The following TRIM24 variants were observed in gnomAD, a reference collection of about 807,000 sequenced individuals.
TRIM24 encodes the protein transcription intermediary factor 1-alpha.
In TRIM24, 29 loss-of-function variants were observed where a neutral mutation model predicts 123.9. The observed-to-expected ratio is 0.23, with a 90% confidence interval of 0.17 to 0.32. The LOEUF is 0.32. Ranked by LOEUF, TRIM24 falls within the 10% of genes least tolerant of loss-of-function variation. TRIM24 has a pLI of 1.00. For missense variants in TRIM24, 932 were observed against 1,295.3 expected (o/e 0.72, Z 4.31); for synonymous variants, 456 against 461.1 (o/e 0.99, Z 0.14).
At chr7:138,575,666 C>CTGTT (rs1797743808) in intron 12 of TRIM24, among the ~76,000 whole-genome samples, 2 of 151,944 alleles carry the variant, frequency 1.3e-5, no homozygotes, top group Non-Finnish European at 2.9e-5. Context: ...CTACTTGTTA[C>CTGTT]TGTTTAGTTT....
At chr7:138,584,650 A>C (rs968883915) in intron 18 of TRIM24, 92 bp from the exon 19 acceptor site, 1 of 1,008,618 alleles carries the variant, frequency 9.9e-7, no homozygotes, top group Non-Finnish European at 1.4e-6. Context: ...ATGACTATGC[A>C]TGAACACTTT....
intron 9 of TRIM24, among the ~76,000 whole-genome samples, chr7:138,560,430 AGCACTAACAT>A (rs974312729): frequency 1.3e-5 from 2 of 152,222 alleles, no homozygotes; most frequent in African/African-American, 4.8e-5. Context: ...GGTGCAGACA[AGCACTAACAT>A]GTACGGATAG....
rs1016220559 is a variant in TRIM24 at position 138,588,853 on chromosome 7, A to G, written c.*3902A>G. On this transcript the variant is annotated 3_prime_UTR_variant, in exon 19 of 19. Coordinates refer to ENST00000343526, the MANE Select transcript of TRIM24 (RefSeq NM_015905.3). ...AACCCCACCTCAACAGAATATACAA[A>G]AAAATTAGCTGGGTGTGGTGGCGGG... 6.7e-6 allele frequency: 1 copy of G among 150,106 alleles called. No individual in the cohort carries two copies. The highest frequency in any genetic ancestry group is 2.5e-5 in the African/African-American group (1 of 40,616). The allele number at this position is 150,106 out of a possible 1,614,324, so 9.3% of individuals were successfully genotyped here.
intron 4 of TRIM24, among the ~76,000 whole-genome samples, chr7:138,523,570 A>G (rs1007535203): frequency 1.3e-5 from 2 of 152,152 alleles, no homozygotes; most frequent in African/African-American, 4.8e-5. Context: ...CCTGGCTAAC[A>G]TGGTGAAACC....
chr7:138,534,938 CTTG>C (rs1796833843), intron 6 of TRIM24, among the ~76,000 whole-genome samples: 1 of 152,162 alleles, frequency 6.6e-6, no homozygotes, highest in South Asian at 2.1e-4. Flanking sequence ...GTTAGCTCTT[CTTG>C]TTGAATTGAT....
chr7:138,572,207 T>A (rs1224109071), intron 11 of TRIM24, among the ~76,000 whole-genome samples: 1 of 152,332 alleles, frequency 6.6e-6, no homozygotes, highest in East Asian at 1.9e-4. Flanking sequence ...GTAGAATACA[T>A]ATATTTTCTC....
Position 138,509,258 on chromosome 7 carries a change from G to A in TRIM24, c.483+4850G>A, listed in dbSNP as rs191217601. Among the ~76,000 whole-genome samples, 401 of 150,988 alleles carry A rather than the reference G, an allele frequency of 2.7e-3. 2 individuals carry two copies. Among genetic ancestry groups the A allele is most frequent in the Non-Finnish European group, 3.7e-3 (252 of 67,820 alleles). The stretch of plus-strand genomic sequence containing the variant: ...GCCACTGCACCCAGCCGAAATGTTG[G>A]TTCTTAATTGCATTGATGTAATTTG... On this transcript the variant is annotated intron_variant, in intron 2 of 18. Transcript: ENST00000343526.
intron 4 of TRIM24, among the ~76,000 whole-genome samples, chr7:138,519,912 G>C (rs139263432): frequency 3.0e-3 from 463 of 152,198 alleles, no homozygotes; most frequent in African/African-American, 1.0e-2. Context: ...AGATGATTTA[G>C]ACAGTAAGAT....
chr7:138,576,549 CCTTT>C lies in TRIM24; in HGVS notation c.2087+105_2087+108del, dbSNP rs757576526. On this transcript the variant is annotated intron_variant, in intron 13 of 18. Coordinates refer to ENST00000343526, the MANE Select transcript of TRIM24 (RefSeq NM_015905.3). ...ATACTCAATATATTTTGAACAATTT[CCTTT>C]ATTTTTAATTAAAATTTTAATAACT... The C allele has an allele frequency of 3.2e-4, 296 of 914,936 alleles. 1 individual carries two copies. The highest frequency in any genetic ancestry group is 4.5e-4 in the Non-Finnish European group (280 of 624,116). The allele number at this position is 914,936 out of a possible 1,614,324, so 56.7% of individuals were successfully genotyped here. A position where few individuals can be genotyped will look rare whatever the true frequency, so the allele number is the denominator to read the frequency against.
intron 1 of TRIM24, among the ~76,000 whole-genome samples, chr7:138,462,338 C>CTTTTT (rs34920255): frequency 8.0e-5 from 10 of 124,414 alleles, no homozygotes; most frequent in African/African-American, 1.2e-4. Context: ...GTGCAAAAAT[C>CTTTTT]TTTTTTTTTT....
intron 1 of TRIM24, among the ~76,000 whole-genome samples, chr7:138,486,559 A>G (rs910822342): frequency 5.3e-5 from 8 of 152,202 alleles, no homozygotes; most frequent in Admixed American, 5.2e-4. Flanking sequence ...ACATATGGCT[A>G]GCCAGTGTTC....
chr7:138,521,048 G>A (rs1796494949), intron 4 of TRIM24, among the ~76,000 whole-genome samples: 1 of 152,130 alleles, frequency 6.6e-6, no homozygotes, highest in Admixed American at 6.6e-5. Flanking sequence ...TTTTTAAAGT[G>A]CAAAAAGAAA....
chr7:138,547,251 T>C (rs1342172738), intron 7 of TRIM24, among the ~76,000 whole-genome samples: 3 of 152,092 alleles, frequency 2.0e-5, no homozygotes, highest in Non-Finnish European at 4.4e-5. Context: ...ATTCAGGGTA[T>C]TGGAAGGGAT....
At chr7:138,487,928 C>T (rs538245950) in intron 1 of TRIM24, among the ~76,000 whole-genome samples, 1 of 152,212 alleles carries the variant, frequency 6.6e-6, no homozygotes, top group Admixed American at 6.5e-5. Context: ...GGTACCAGCT[C>T]CTCTTTCTAC....
intron 1 of TRIM24, among the ~76,000 whole-genome samples, chr7:138,480,421 C>T (rs1303220027): frequency 6.6e-6 from 1 of 152,182 alleles, no homozygotes; most frequent in African/African-American, 2.4e-5. Context: ...CATGTTGTTG[C>T]ATATAGCTAT....
chr7:138,571,363 G>A (rs2116671702), intron 11 of TRIM24, among the ~76,000 whole-genome samples: 1 of 152,250 alleles, frequency 6.6e-6, no homozygotes, highest in African/African-American at 2.4e-5. Context: ...ATTATAGGTT[G>A]TTTGTTTTTA....
chr7:138,539,820 A>G (rs1321298672), intron 7 of TRIM24, among the ~76,000 whole-genome samples: 1 of 96,730 alleles, frequency 1.0e-5, no homozygotes, highest in East Asian at 3.4e-4. Context: ...TTTTTTTTTG[A>G]GACAGAGTCT....
At chr7:138,526,104 T>A (rs1796601844) in intron 5 of TRIM24, among the ~76,000 whole-genome samples, 1 of 152,194 alleles carries the variant, frequency 6.6e-6, no homozygotes, top group South Asian at 2.1e-4. Flanking sequence ...CCTAAATAAG[T>A]CAAGAAATGT....
intron 9 of TRIM24, among the ~76,000 whole-genome samples, chr7:138,559,664 T>TC (rs1797386013): frequency 6.6e-6 from 1 of 152,078 alleles, no homozygotes; most frequent in Admixed American, 6.5e-5. Context: ...GGCAACCTGG[T>TC]CCCACCGTAG....
Sources: allele counts gnomAD v4.1 joint callset (sites outside exome capture counted in the v4.1 genomes callset), GRCh38; gene constraint gnomAD v4.1.1; transcripts MANE v1.5; gene names NCBI Gene and HGNC (gene_info 2026-07-23, HGNC 2026-07-21).